Variants in CADM2 observed in about 807,000 individuals in gnomAD.
The protein encoded by CADM2 is immunoglobulin superfamily member 4D.
In CADM2, 12 loss-of-function variants were observed where a neutral mutation model predicts 49.8. The ratio of observed to expected loss-of-function variants is 0.24; its 90% CI spans 0.15 to 0.39. The LOEUF is 0.39. Among genes scored for constraint, CADM2 ranks in the 10% least tolerant of loss-of-function variants. CADM2 has a pLI of 1.00. For synonymous variants in CADM2, 214 were observed against 175.4 expected (o/e 1.22, Z -1.74); for missense variants, 378 against 492.3 (o/e 0.77, Z 2.20).
chr3:85,121,323 A>C (rs1488210253), intron 1 of CADM2, among the ~76,000 whole-genome samples: 1 of 152,202 alleles, frequency 6.6e-6, no homozygotes, highest in African/African-American at 2.4e-5. Context: ...AAGTTAAAAG[A>C]GTATTTACTT....
intron 2 of CADM2, among the ~76,000 whole-genome samples, chr3:85,747,162 C>T (rs12497036): frequency 0.3 from 45,825 of 151,848 alleles, 7,292 homozygotes; most frequent in East Asian, 0.61. Flanking sequence ...TGCTTGTTTA[C>T]CAATTCACCA....
intron 1 of CADM2, among the ~76,000 whole-genome samples, chr3:85,429,597 A>G (rs945654158): frequency 1.6e-4 from 24 of 152,112 alleles, no homozygotes; most frequent in Non-Finnish European, 2.8e-4. Flanking sequence ...ATCATTTATT[A>G]TTTGCTTCAT....
At chr3:85,663,113 C>T (rs1321774641) in intron 1 of CADM2, among the ~76,000 whole-genome samples, 1 of 152,002 alleles carries the variant, frequency 6.6e-6, no homozygotes, top group African/African-American at 2.4e-5. Context: ...AATCCAGAGA[C>T]CAGCTCTTAC....
intron 1 of CADM2, among the ~76,000 whole-genome samples, chr3:85,378,311 G>A (rs1258704766): frequency 2.6e-5 from 4 of 151,954 alleles, no homozygotes; most frequent in African/African-American, 9.7e-5. Context: ...GACGCAAAAT[G>A]TTTGGCACCT....
At chr3:85,101,417 G>T (rs938528825) in intron 1 of CADM2, among the ~76,000 whole-genome samples, 4 of 151,920 alleles carry the variant, frequency 2.6e-5, no homozygotes, top group South Asian at 4.2e-4. Flanking sequence ...ACGTATAAAG[G>T]CCTCCAAAAA....
chr3:85,620,100 G>A (rs2063926960), intron 1 of CADM2, among the ~76,000 whole-genome samples: 1 of 152,066 alleles, frequency 6.6e-6, no homozygotes, highest in Admixed American at 6.6e-5. Context: ...ATGCCCAATA[G>A]CCCAATATTC....
intron 5 of CADM2, among the ~76,000 whole-genome samples, chr3:85,897,241 C>CT (rs752550127): frequency 0.012 from 530 of 45,930 alleles, 206 homozygotes; most frequent in Non-Finnish European, 0.02. Flanking sequence ...TAACCTACAT[C>CT]TTTTTTTTTT....
intron 2 of CADM2, among the ~76,000 whole-genome samples, chr3:85,797,184 A>G (rs2071680575): frequency 6.6e-6 from 1 of 152,108 alleles, no homozygotes; most frequent in African/African-American, 2.4e-5. Flanking sequence ...TTACATAGCA[A>G]TAAACATTCT....
intron 2 of CADM2, among the ~76,000 whole-genome samples, chr3:85,767,315 G>A (rs981637052): frequency 3.9e-5 from 6 of 152,076 alleles, no homozygotes; most frequent in African/African-American, 7.2e-5. Flanking sequence ...ATAAGCCGGC[G>A]GCTGCTTCGA....
chr3:86,025,068 G>T (rs12632804), intron 8 of CADM2, among the ~76,000 whole-genome samples: 7,617 of 149,542 alleles, frequency 0.051, 409 homozygotes, highest in African/African-American at 0.13. Context: ...GTTTTGTTTT[G>T]TTTTGGAGAC....
intron 1 of CADM2, among the ~76,000 whole-genome samples, chr3:85,563,412 G>GGGGGGT (rs753542548): frequency 2.1e-5 from 1 of 48,720 alleles, no homozygotes; most frequent in Non-Finnish European, 7.4e-5. Context: ...GTGTGTGTGT[G>GGGGGGT]GGGGGGTGGT....
intron 1 of CADM2, among the ~76,000 whole-genome samples, chr3:84,964,204 G>A (rs752980718): frequency 2.6e-5 from 4 of 152,044 alleles, no homozygotes; most frequent in Non-Finnish European, 5.9e-5. Context: ...ATTAAATAGT[G>A]GTAGAATGTC....
At chr3:85,991,039 G>A (rs149287943) in intron 8 of CADM2, among the ~76,000 whole-genome samples, 1 of 152,272 alleles carries the variant, frequency 6.6e-6, no homozygotes, top group Admixed American at 6.5e-5. Flanking sequence ...AGAGATGGGA[G>A]ATAAACCCTG....
chr3:85,071,712 A>G (rs1457957402), intron 1 of CADM2, among the ~76,000 whole-genome samples: 1 of 152,082 alleles, frequency 6.6e-6, no homozygotes, highest in Admixed American at 6.6e-5. Flanking sequence ...TGACTGCTCA[A>G]ATTTGTAAAG....
intron 1 of CADM2, among the ~76,000 whole-genome samples, chr3:85,039,584 T>C (rs1416716061): frequency 1.3e-5 from 2 of 152,186 alleles, no homozygotes; most frequent in African/African-American, 2.4e-5. Context: ...ATACAAACAT[T>C]AATTTTTACT....
At chr3:85,583,145 G>C (rs183534385) in intron 1 of CADM2, among the ~76,000 whole-genome samples, 19 of 152,132 alleles carry the variant, frequency 1.2e-4, no homozygotes, top group Admixed American at 1.2e-3. Flanking sequence ...GGCAGTCTTT[G>C]AGTCCTACAT....
chr3:85,330,373 C>T (rs990586910), intron 1 of CADM2, among the ~76,000 whole-genome samples: 11 of 151,796 alleles, frequency 7.2e-5, no homozygotes, highest in Non-Finnish European at 1.5e-4. Flanking sequence ...AGTATGTTTC[C>T]GTTGTGAAAT....
chr3:85,960,387 G>C (rs1057167726), intron 7 of CADM2, among the ~76,000 whole-genome samples: 1 of 151,800 alleles, frequency 6.6e-6, no homozygotes, highest in Admixed American at 6.6e-5. Flanking sequence ...GATTCCATGT[G>C]ATAAAATTAT....
chr3:85,736,720 G>GA (rs2068154403), intron 2 of CADM2, among the ~76,000 whole-genome samples: 1 of 152,072 alleles, frequency 6.6e-6, no homozygotes, highest in Admixed American at 6.5e-5. Flanking sequence ...TTTTAAAAGG[G>GA]AATGGGGTAG....
Sources: allele counts gnomAD v4.1 joint callset (sites outside exome capture counted in the v4.1 genomes callset), GRCh38; gene constraint gnomAD v4.1.1; transcripts MANE v1.5; gene names NCBI Gene and HGNC (gene_info 2026-07-23, HGNC 2026-07-21).